The following PDE11A variants were observed in gnomAD, a reference collection of about 807,000 sequenced individuals.
PDE11A encodes dual 3',5'-cyclic-AMP and -GMP phosphodiesterase 11A.
PDE11A carries 100 observed loss-of-function variants against 100.5 expected under a neutral mutation model. That is an observed-to-expected ratio of 1.00 (90% confidence interval 0.85 to 1.18). PDE11A has a LOEUF of 1.18. PDE11A is among the 50% of genes most tolerant of loss of function. The pLI, the probability that PDE11A is intolerant of heterozygous loss-of-function variation, is 0.00. For missense variants in PDE11A, 1,141 were observed against 1,152.6 expected (o/e 0.99, Z 0.15); for synonymous variants, 381 against 420.8 (o/e 0.91, Z 1.16).
intron 2 of PDE11A, among the ~76,000 whole-genome samples, chr2:177,965,352 G>T (rs2085685546): frequency 6.6e-6 from 1 of 152,148 alleles, no homozygotes; most frequent in African/African-American, 2.4e-5. Context: ...TTCTTTTGCT[G>T]TGGAGAAGCT....
intron 2 of PDE11A, among the ~76,000 whole-genome samples, chr2:177,941,970 C>T (rs1212385384): frequency 6.6e-6 from 1 of 152,206 alleles, no homozygotes; most frequent in Non-Finnish European, 1.5e-5. Flanking sequence ...ATTTCAGTGA[C>T]AAAAGCAGGG....
intron 10 of PDE11A, among the ~76,000 whole-genome samples, chr2:177,745,179 A>G (rs926634061): frequency 6.6e-6 from 1 of 152,228 alleles, no homozygotes; most frequent in African/African-American, 2.4e-5. Flanking sequence ...AGACCATGTC[A>G]CAAAAAATCA....
At chr2:177,933,133 T>C (rs1206256731) in intron 2 of PDE11A, among the ~76,000 whole-genome samples, 1 of 151,720 alleles carries the variant, frequency 6.6e-6, no homozygotes, top group African/African-American at 2.4e-5. Context: ...AGGTGAAAGA[T>C]CTTTACAAGA....
chr2:177,776,295 T>A (rs1450231694), intron 9 of PDE11A, among the ~76,000 whole-genome samples: 1 of 152,208 alleles, frequency 6.6e-6, no homozygotes, highest in Admixed American at 6.5e-5. Context: ...GAAATTCAAA[T>A]GTACTTAAGT....
Position 177,774,173 on chromosome 2 carries a change from T to C in PDE11A, c.1738-4800A>G, listed in dbSNP as rs148862102. Among the ~76,000 whole-genome samples, 18 of 152,336 alleles carry C rather than the reference T, an allele frequency of 1.2e-4. 1 individual carries two copies. The East Asian group carries it at 3.5e-3, about 29-fold the overall frequency. On this transcript the variant is annotated intron_variant, in intron 9 of 19. Coordinates refer to ENST00000286063, the MANE Select transcript of PDE11A (RefSeq NM_016953.4). ...ATGTAAATACACAACCAAGCTAAGTTTCTGCTTAGCTCCCAGCTTCTTGTT... is the reference window on the plus strand; with the variant it reads ...ATGTAAATACACAACCAAGCTAAGTCTCTGCTTAGCTCCCAGCTTCTTGTT...
intron 9 of PDE11A, among the ~76,000 whole-genome samples, chr2:177,769,885 CAAAAAA>C (rs10572990): frequency 0.017 from 1,182 of 70,938 alleles, 25 homozygotes; most frequent in African/African-American, 0.056. Flanking sequence ...AAGACCCTAT[CAAAAAA>C]AAAAAAAAAA....
At chr2:177,904,643 C>A (rs1294448528) in intron 3 of PDE11A, among the ~76,000 whole-genome samples, 1 of 150,000 alleles carries the variant, frequency 6.7e-6, no homozygotes, top group Admixed American at 6.7e-5. Flanking sequence ...TGACCTCCGC[C>A]TCCTGGGTTC....
At chr2:177,965,749 T>C (rs773206460) in intron 2 of PDE11A, among the ~76,000 whole-genome samples, 3 of 152,222 alleles carry the variant, frequency 2.0e-5, no homozygotes, top group Non-Finnish European at 4.4e-5. Flanking sequence ...ACCATGCTGT[T>C]TTGGTTATGC....
chr2:177,680,348 A>G (rs1322086000), intron 16 of PDE11A, among the ~76,000 whole-genome samples: 1 of 152,150 alleles, frequency 6.6e-6, no homozygotes, highest in Admixed American at 6.5e-5. Flanking sequence ...TCCTTTCTAA[A>G]CAACTTGGAA....
At chr2:178,018,087 A>G in intron 1 of PDE11A, 1 of 199,308 alleles carries the variant, frequency 5.0e-6, no homozygotes, top group Non-Finnish European at 1.0e-5. Flanking sequence ...GCCATGTCTC[A>G]GCACATCCCT....
intron 2 of PDE11A, among the ~76,000 whole-genome samples, chr2:178,103,062 C>T (rs2087578988): frequency 6.6e-6 from 1 of 152,166 alleles, no homozygotes; most frequent in South Asian, 2.1e-4. Flanking sequence ...GAATGAAAAG[C>T]ATCACAAGAA....
Position 178,072,119 on chromosome 2 carries a change from T to G in PDE11A, c.319A>C (p.Arg107=). ...PLSPSWAGGS[R]GDGNLQRRAS... ...CTCCGCTGCAGGTTCCCATCGCCCC[T>G]GCTGCCACCGGCCCAGCTGGGACTC... Residue 107 remains arginine, a synonymous_variant, in exon 1 of 20, where the codon AGG becomes CGG. Transcript: ENST00000286063. 1.9e-6 allele frequency: 3 copies of G among 1,613,880 alleles called. No homozygotes were observed. Among genetic ancestry groups the G allele is most frequent in the Non-Finnish European group, 2.5e-6 (3 of 1,179,782 alleles).
chr2:178,094,933 C>G (rs1248287764), intron 2 of PDE11A, among the ~76,000 whole-genome samples: 1 of 152,178 alleles, frequency 6.6e-6, no homozygotes, highest in Non-Finnish European at 1.5e-5. Context: ...GGGAAACTGC[C>G]CCCATGATCC....
intron 5 of PDE11A, among the ~76,000 whole-genome samples, chr2:177,853,458 A>C (rs957209462): frequency 1.3e-5 from 2 of 151,230 alleles, no homozygotes; most frequent in Non-Finnish European, 2.9e-5. Context: ...CATCATTATC[A>C]GATTTGGAGA....
At chr2:177,853,673 T>C (rs1179904643) in intron 5 of PDE11A, among the ~76,000 whole-genome samples, 1 of 36,224 alleles carries the variant, frequency 2.8e-5, no homozygotes, top group Non-Finnish European at 5.6e-5. Context: ...TATATATATA[T>C]ATATATATGT....
chr2:177,746,683 A>G (rs1210159349), intron 10 of PDE11A, among the ~76,000 whole-genome samples: 1 of 152,234 alleles, frequency 6.6e-6, no homozygotes, highest in Non-Finnish European at 1.5e-5. Context: ...GCAATCCTAG[A>G]TTCCTATGCC....
At chr2:177,840,451 TA>T in intron 5 of PDE11A, 68 bp from the exon 6 acceptor site, 1 of 1,291,368 alleles carries the variant, frequency 7.7e-7, no homozygotes, top group Non-Finnish European at 1.1e-6. Context: ...GGAAACCCTA[TA>T]AACTACACTA....
intron 19 of PDE11A, among the ~76,000 whole-genome samples, chr2:177,637,920 CATACATAT>C (rs1269084069): frequency 1.5e-3 from 51 of 33,530 alleles, no homozygotes; most frequent in Admixed American, 9.5e-3. Flanking sequence ...CATATATACA[CATACATAT>C]ATACATATAT....
intron 1 of PDE11A, among the ~76,000 whole-genome samples, chr2:178,037,273 CTCA>C (rs1490410221): frequency 1.1e-4 from 16 of 152,154 alleles, no homozygotes; most frequent in African/African-American, 2.9e-4. Flanking sequence ...TGAAAAAAAG[CTCA>C]TCATCACTGG....
Sources: gnomAD v4.1 joint callset for allele counts (sites outside exome capture counted in the v4.1 genomes callset) on GRCh38, gnomAD v4.1.1 for gene constraint, MANE v1.5 for transcripts, NCBI Gene and HGNC (gene_info 2026-07-23, HGNC 2026-07-21) for gene names.